ADGRL2: variants seen among roughly 807,000 people sequenced by gnomAD.
ADGRL2 encodes the protein calcium-independent alpha-latrotoxin receptor 2.
In ADGRL2, 44 loss-of-function variants were observed where a neutral mutation model predicts 157.4. That is an observed-to-expected ratio of 0.28 (90% CI 0.22 to 0.36). ADGRL2 has a LOEUF of 0.36. Ranked by LOEUF, ADGRL2 falls within the 10% of genes least tolerant of loss-of-function variation. The probability of loss-of-function intolerance (pLI) is 1.00; values close to 1 mark genes in which losing one functional copy is unlikely to be tolerated. For synonymous variants in ADGRL2, 585 were observed against 624.7 expected (o/e 0.94, Z 0.95); for missense variants, 1,510 against 1,768.9 (o/e 0.85, Z 2.63).
At chr1:81,316,236 A>C (rs1660101574) in intron 1 of ADGRL2, among the ~76,000 whole-genome samples, 1 of 152,156 alleles carries the variant, frequency 6.6e-6, no homozygotes, top group Admixed American at 6.5e-5. Context: ...AGGAACCATA[A>C]AGGTTAAATG....
chr1:81,778,438 T>A (rs2086684675), intron 2 of ADGRL2, among the ~76,000 whole-genome samples: 1 of 151,084 alleles, frequency 6.6e-6, no homozygotes, highest in African/African-American at 2.5e-5. Context: ...TGTATATCTA[T>A]TGTTCTGATA....
intron 1 of ADGRL2, among the ~76,000 whole-genome samples, chr1:81,323,344 A>G (rs551011758): frequency 3.6e-4 from 54 of 151,328 alleles, no homozygotes; most frequent in African/African-American, 1.3e-3. Context: ...GGCTCATGCA[A>G]CCCTCCCACC....
At chr1:81,400,150 G>C (rs1437752201) in intron 1 of ADGRL2, among the ~76,000 whole-genome samples, 1 of 152,128 alleles carries the variant, frequency 6.6e-6, no homozygotes, top group East Asian at 1.9e-4. Context: ...AAGGGCTTTG[G>C]GGGGGTCCTT....
chr1:81,366,900 C>G (rs2076076498), intron 1 of ADGRL2, among the ~76,000 whole-genome samples: 1 of 152,094 alleles, frequency 6.6e-6, no homozygotes, highest in Non-Finnish European at 1.5e-5. Flanking sequence ...TGCTGTATCC[C>G]CAGTGGATTA....
chr1:81,912,059 T>C (rs2094737500), intron 3 of ADGRL2, among the ~76,000 whole-genome samples: 1 of 150,504 alleles, frequency 6.6e-6, no homozygotes, highest in Non-Finnish European at 1.5e-5. Context: ...ATGATGTTTC[T>C]TTTATTTTTT....
chr1:81,433,003 T>C (rs1209122761), intron 1 of ADGRL2, among the ~76,000 whole-genome samples: 3 of 152,162 alleles, frequency 2.0e-5, no homozygotes, highest in Non-Finnish European at 4.4e-5. Flanking sequence ...TGTAGTTATG[T>C]GTCCTTCCTT....
chr1:81,825,657 CA>C (rs71085375), intron 1 of ADGRL2, among the ~76,000 whole-genome samples: 20,107 of 86,342 alleles, frequency 0.23, 1,538 homozygotes, highest in African/African-American at 0.32. Context: ...ACCCTGTCTC[CA>C]AAAAAAAAAA....
chr1:81,423,755 C>T (rs1294540098), intron 1 of ADGRL2, among the ~76,000 whole-genome samples: 7 of 152,140 alleles, frequency 4.6e-5, no homozygotes, highest in Non-Finnish European at 7.3e-5. Context: ...AAAGGAACCA[C>T]GTAATTAATC....
intron 1 of ADGRL2, among the ~76,000 whole-genome samples, chr1:81,381,072 A>C (rs1266414522): frequency 4.0e-5 from 6 of 151,830 alleles, no homozygotes; most frequent in South Asian, 2.1e-4. Context: ...TATATTTGTA[A>C]TTTTTCTTTA....
chr1:81,501,717 G>C, intron 2 of ADGRL2: 1 of 1,603,668 alleles, frequency 6.2e-7, no homozygotes, highest in South Asian at 1.1e-5. Flanking sequence ...TGCCTGGTGG[G>C]CTGTGCCCAG....
intron 18 of ADGRL2, among the ~76,000 whole-genome samples, 188 bp downstream of exon 18, chr1:81,980,148 G>A (rs1661248204): frequency 6.6e-6 from 1 of 151,646 alleles, no homozygotes; most frequent in Non-Finnish European, 1.5e-5. Flanking sequence ...AATAATTGCT[G>A]TCTTGATCTA....
At chr1:81,791,398 A>G (rs1419846028) in intron 2 of ADGRL2, among the ~76,000 whole-genome samples, 4 of 152,120 alleles carry the variant, frequency 2.6e-5, no homozygotes, top group Non-Finnish European at 5.9e-5. Context: ...GATAAAAGTG[A>G]GAGGACTGAA....
intron 1 of ADGRL2, among the ~76,000 whole-genome samples, chr1:81,831,635 G>C (rs182611326): frequency 4.7e-4 from 71 of 152,086 alleles, no homozygotes; most frequent in Middle Eastern, 3.4e-3. Flanking sequence ...TCTTAAGGTT[G>C]TTGGGAAAAT....
intron 1 of ADGRL2, among the ~76,000 whole-genome samples, chr1:81,363,503 C>G (rs985642800): frequency 3.9e-5 from 6 of 152,070 alleles, no homozygotes; most frequent in African/African-American, 1.4e-4. Flanking sequence ...GTAGAATTAT[C>G]ACATAGGAGT....
At position 81,822,448 on chromosome 1, in the gene ADGRL2, T is replaced by G. The variant is rs2091084716; in HGVS notation, c.-100-14437T>G. Among the ~76,000 whole-genome samples, 3 of 151,806 alleles carry G rather than the reference T, an allele frequency of 2.0e-5. No individual in the cohort carries two copies. The South Asian group carries it at 6.2e-4, about 31-fold the overall frequency. On this transcript the variant is annotated intron_variant, in intron 1 of 23. Coordinates refer to ENST00000686636, the MANE Select transcript of ADGRL2 (RefSeq NM_001366006.2). Reference sequence around the variant, plus strand: ...AAAATTCTAATATTTTTAGTGTACTTTGAAAATGTCCAATTTGTACATTTA... The same window carrying G: ...AAAATTCTAATATTTTTAGTGTACTGTGAAAATGTCCAATTTGTACATTTA...
intron 2 of ADGRL2, among the ~76,000 whole-genome samples, chr1:81,896,675 T>A (rs914005867): frequency 1.3e-5 from 2 of 152,110 alleles, no homozygotes; most frequent in African/African-American, 4.8e-5. Flanking sequence ...ATAAGAATTA[T>A]AGTAATAAAT....
chr1:81,383,036 A>T (rs940575438), intron 1 of ADGRL2, among the ~76,000 whole-genome samples: 2 of 152,170 alleles, frequency 1.3e-5, no homozygotes, highest in Non-Finnish European at 2.9e-5. Context: ...GCACTGCCTT[A>T]GTGTTTGGGG....
At chr1:81,918,203 C>G (rs2094902810) in intron 3 of ADGRL2, among the ~76,000 whole-genome samples, 1 of 152,092 alleles carries the variant, frequency 6.6e-6, no homozygotes, top group African/African-American at 2.4e-5. Flanking sequence ...GAAATGGCCT[C>G]TAGAAATACT....
Position 81,836,902 on chromosome 1 carries a change from G to A in ADGRL2, c.-83G>A, listed in dbSNP as rs923666508. Reference sequence around the variant, plus strand: ...TTTTTCAGATATGAAGATCAATGATGCAGACTGATGGTTTTGATGAAGCTG... The same window carrying A: ...TTTTTCAGATATGAAGATCAATGATACAGACTGATGGTTTTGATGAAGCTG... On this transcript the variant is annotated 5_prime_UTR_variant, in exon 2 of 24. An upstream start codon of the reference 5' UTR is lost. Coordinates refer to ENST00000686636, the MANE Select transcript of ADGRL2 (RefSeq NM_001366006.2). The A allele has an allele frequency of 4.0e-6, 3 of 757,372 alleles. No homozygotes were observed. Among genetic ancestry groups the A allele is most frequent in the African/African-American group, 1.8e-5 (1 of 54,426 alleles). The allele number at this position is 757,372 out of a possible 1,614,324, so 46.9% of individuals were successfully genotyped here.
Sources: allele counts gnomAD v4.1 joint callset (sites outside exome capture counted in the v4.1 genomes callset), GRCh38; gene constraint gnomAD v4.1.1; transcripts MANE v1.5; gene names NCBI Gene and HGNC (gene_info 2026-07-23, HGNC 2026-07-21).